Variants in CACNG2 observed in about 807,000 individuals in gnomAD.
CACNG2 encodes calcium voltage-gated channel auxiliary subunit gamma 2, also known as voltage-dependent calcium channel gamma-2 subunit.
A neutral mutation model predicts 25.9 loss-of-function variants in CACNG2; 3 were observed. That is an observed-to-expected ratio of 0.12 (90% CI 0.05 to 0.30). The LOEUF (loss-of-function observed/expected upper bound fraction) is 0.30, where lower values mean the gene tolerates loss of function less well. Ranked by LOEUF, CACNG2 falls within the 10% of genes least tolerant of loss-of-function variation. The pLI, the probability that CACNG2 is intolerant of heterozygous loss-of-function variation, is 1.00. For synonymous variants in CACNG2, 167 were observed against 173.3 expected (o/e 0.96, Z 0.29); for missense variants, 341 against 432.5 (o/e 0.79, Z 1.88).
chr22:36,607,055 C>CT (rs2145936914), intron 1 of CACNG2, among the ~76,000 whole-genome samples: 1 of 151,754 alleles, frequency 6.6e-6, no homozygotes, highest in Non-Finnish European at 1.5e-5. Context: ...TGGGGAGCCA[C>CT]TGAGGGGTTT....
chr22:36,607,258 C>CT (rs1181636415), intron 1 of CACNG2, among the ~76,000 whole-genome samples: 1 of 151,986 alleles, frequency 6.6e-6, no homozygotes, highest in Admixed American at 6.6e-5. Context: ...TGGCCCTTTT[C>CT]TTTTTTTGAG....
intron 1 of CACNG2, among the ~76,000 whole-genome samples, chr22:36,617,702 T>C (rs892486098): frequency 6.7e-6 from 1 of 149,886 alleles, no homozygotes; most frequent in Non-Finnish European, 1.5e-5. Flanking sequence ...TGTGATGGGA[T>C]GGATATGGGC....
At chr22:36,658,729 T>C (rs571158963) in intron 1 of CACNG2, among the ~76,000 whole-genome samples, 31 of 152,222 alleles carry the variant, frequency 2.0e-4, no homozygotes, top group African/African-American at 7.5e-4. Flanking sequence ...GTGGGCATGA[T>C]GACAGTGAAC....
intron 2 of CACNG2, among the ~76,000 whole-genome samples, chr22:36,569,938 G>T (rs1215987590): frequency 3.9e-5 from 6 of 152,212 alleles, no homozygotes; most frequent in African/African-American, 1.2e-4. Flanking sequence ...AAAGAAAGAG[G>T]TCGGTGTGGC....
intron 1 of CACNG2, among the ~76,000 whole-genome samples, chr22:36,682,687 C>G (rs1249753694): frequency 6.6e-6 from 1 of 152,024 alleles, no homozygotes; most frequent in South Asian, 2.1e-4. Flanking sequence ...AATTGTGAGA[C>G]CAAATGAAGC....
intron 2 of CACNG2, among the ~76,000 whole-genome samples, chr22:36,574,341 T>C (rs1935280066): frequency 6.6e-6 from 1 of 151,952 alleles, no homozygotes; most frequent in Non-Finnish European, 1.5e-5. Context: ...GAGAGATGTT[T>C]AGGAGGTGAA....
At chr22:36,617,693 G>A (rs1936043969) in intron 1 of CACNG2, among the ~76,000 whole-genome samples, 1 of 149,758 alleles carries the variant, frequency 6.7e-6, no homozygotes, top group African/African-American at 2.5e-5. Context: ...GCAATGTGGT[G>A]TGATGGGATG....
Position 36,595,004 on chromosome 22 carries a change from A to G in CACNG2, c.212-7456T>C, listed in dbSNP as rs116814547. On this transcript the variant is annotated intron_variant, in intron 1 of 3. Coordinates refer to ENST00000300105, the MANE Select transcript of CACNG2 (RefSeq NM_006078.5). ...TACTGTGTGCTCACTGGGCAGGGTGAGATGAAGTCTGCATATGTGTGTGTG... is the reference window on the plus strand; with the variant it reads ...TACTGTGTGCTCACTGGGCAGGGTGGGATGAAGTCTGCATATGTGTGTGTG... Among the ~76,000 whole-genome samples the G allele has an allele frequency of 6.5e-3, 824 of 126,018 alleles. 11 individuals are homozygous for G. The highest frequency in any genetic ancestry group is 0.025 in the African/African-American group (802 of 32,038). The allele number at this position is 126,018 out of a possible 152,430, so 82.7% of individuals were successfully genotyped here.
intron 2 of CACNG2, among the ~76,000 whole-genome samples, chr22:36,582,801 A>G (rs1265505472): frequency 1.3e-5 from 2 of 151,230 alleles, no homozygotes; most frequent in African/African-American, 2.4e-5. Context: ...TTAGTCTAAC[A>G]TGTTATATCA....
chr22:36,666,969 T>C (rs12628674), intron 1 of CACNG2, among the ~76,000 whole-genome samples: 36,428 of 150,014 alleles, frequency 0.24, 4,519 homozygotes, highest in Middle Eastern at 0.34. Context: ...CCCACTTGAC[T>C]CACACGCAAC....
chr22:36,684,323 T>C (rs958836121), intron 1 of CACNG2, among the ~76,000 whole-genome samples: 4 of 152,164 alleles, frequency 2.6e-5, no homozygotes, highest in Non-Finnish European at 1.5e-5. Context: ...GATTTAAAGA[T>C]ACATGTTTGA....
At chr22:36,578,672 T>A (rs1404116522) in intron 2 of CACNG2, among the ~76,000 whole-genome samples, 1 of 152,174 alleles carries the variant, frequency 6.6e-6, no homozygotes, top group African/African-American at 2.4e-5. Flanking sequence ...GGAGGGACAC[T>A]GTCTGAGGCC....
chr22:36,702,204 C>A (rs1472860531), intron 1 of CACNG2, among the ~76,000 whole-genome samples, 162 bp downstream of exon 1: 2 of 151,476 alleles, frequency 1.3e-5, no homozygotes, highest in African/African-American at 4.9e-5. Flanking sequence ...TATTGATTTT[C>A]TTTCCTCTGA....
rs535455600 is a variant in CACNG2, at chr22:36,624,066, C to T, written c.212-36518G>A. On this transcript the variant is annotated intron_variant, in intron 1 of 3. Transcript: ENST00000300105. ...TCTCATTAATATGCATCTGTTCTTA[C>T]AGCCTTAGGGATCCCAAGAGAGGGG... 1.7e-4 allele frequency among the ~76,000 whole-genome samples: 26 copies of T among 152,300 alleles called. 1 individual carries two copies. In the South Asian group the frequency reaches 5.4e-3, roughly 32 times the overall value.
chr22:36,670,614 GTGTTTTGTTTTTGTTTTTT>G (rs1177190834), intron 1 of CACNG2, among the ~76,000 whole-genome samples: 4 of 136,846 alleles, frequency 2.9e-5, no homozygotes, highest in Non-Finnish European at 4.6e-5. Flanking sequence ...GTTTTTTTGT[GTGTTTTGTTTTTGTTTTTT>G]TGTTTTGTTT....
intron 1 of CACNG2, among the ~76,000 whole-genome samples, chr22:36,665,792 G>A (rs1448208986): frequency 6.6e-6 from 1 of 152,208 alleles, no homozygotes; most frequent in African/African-American, 2.4e-5. Context: ...CTTGTGCACT[G>A]TTGGTGAGAA....
intron 1 of CACNG2, among the ~76,000 whole-genome samples, chr22:36,649,773 T>C (rs1421295269): frequency 1.3e-5 from 2 of 152,202 alleles, no homozygotes; most frequent in Non-Finnish European, 2.9e-5. Flanking sequence ...ATGGTGGTTT[T>C]AGAAAAGGGG....
chr22:36,689,593 A>T (rs1937243406), intron 1 of CACNG2, among the ~76,000 whole-genome samples: 1 of 152,218 alleles, frequency 6.6e-6, no homozygotes, highest in Non-Finnish European at 1.5e-5. Context: ...CTTTCTGGGC[A>T]ATTACTGGAC....
chr22:36,602,189 T>C (rs1399378274), intron 1 of CACNG2, among the ~76,000 whole-genome samples: 3 of 152,166 alleles, frequency 2.0e-5, no homozygotes, highest in African/African-American at 7.2e-5. Context: ...TGCTATTGAG[T>C]TGTATGTGTT....
Sources: allele counts gnomAD v4.1 joint callset (sites outside exome capture counted in the v4.1 genomes callset), GRCh38; gene constraint gnomAD v4.1.1; transcripts MANE v1.5; gene names NCBI Gene and HGNC (gene_info 2026-07-23, HGNC 2026-07-21).